KCNQ1: variants seen among roughly 807,000 people sequenced by gnomAD.
KCNQ1 encodes potassium voltage-gated channel subfamily Q member 1.
KCNQ1 carries 49 observed loss-of-function variants against 72.4 expected under a neutral mutation model. The ratio of observed to expected loss-of-function variants is 0.68; its 90% CI spans 0.54 to 0.86. KCNQ1 has a LOEUF of 0.86. KCNQ1 is among the 40% of genes least tolerant of loss of function. The pLI, the probability that KCNQ1 is intolerant of heterozygous loss-of-function variation, is 0.00. For synonymous variants in KCNQ1, 450 were observed against 412.6 expected (o/e 1.09, Z -1.10); for missense variants, 790 against 945.1 (o/e 0.84, Z 2.15).
At chr11:2,569,549 C>T (rs1633937) in intron 2 of KCNQ1, among the ~76,000 whole-genome samples, 1 of 152,294 alleles carries the variant, frequency 6.6e-6, no homozygotes, top group East Asian at 1.9e-4. Flanking sequence ...AGGAGTCCGC[C>T]GGAAGTGGGC....
rs1850871797 is a variant in KCNQ1 at position 2,704,338 on chromosome 11, C to T, written c.1514+42257C>T. Among the ~76,000 whole-genome samples, 1 of 152,362 alleles carries T rather than the reference C, an allele frequency of 6.6e-6. No individual in the cohort carries two copies. Among genetic ancestry groups the T allele is most frequent in the South Asian group, 2.1e-4 (1 of 4,828 alleles). On this transcript the variant is annotated intron_variant, in intron 11 of 15. Transcript: ENST00000155840. This position sits in a 1 kb window ranked among gnomAD's most constrained non-coding sequence, Gnocchi z 4.3. The stretch of plus-strand genomic sequence containing the variant: ...TTCAGGTACATGGGCCTGTTGTCAA[C>T]TCTGTTCCCACTGAGCCCATGAGAC...
intron 11 of KCNQ1, chr11:2,665,757 A>G: frequency 2.5e-6 from 1 of 398,122 alleles, no homozygotes; most frequent in Non-Finnish European, 4.4e-6. Context: ...AGGCATGGAG[A>G]AGCCCTAGGA....
chr11:2,817,740 CTCCTCCATGGCAAAGGTGA>C lies in KCNQ1; in HGVS notation c.1795-30025_1795-30007del, dbSNP rs1389590534. On this transcript the variant is annotated intron_variant, in intron 15 of 15. Coordinates refer to ENST00000155840, the MANE Select transcript of KCNQ1 (RefSeq NM_000218.3). This position sits in a 1 kb window ranked among gnomAD's most constrained non-coding sequence, Gnocchi z 6.1. Reference sequence around the variant, plus strand: ...CCTACCCACTTACGACCCACCTCCTCTCCTCCATGGCAAAGGTGATACATTAGACTCAAAGAGACATGAT... The same window carrying C: ...CCTACCCACTTACGACCCACCTCCTCTACATTAGACTCAAAGAGACATGAT... Among the ~76,000 whole-genome samples, 2 of 152,252 alleles carry C rather than the reference CTCCTCCATGGCAAAGGTGA, an allele frequency of 1.3e-5. No individual in the cohort carries two copies. The highest frequency in any genetic ancestry group is 3.9e-4 in the East Asian group (2 of 5,174).
intron 1 of KCNQ1, among the ~76,000 whole-genome samples, chr11:2,512,643 C>T (rs966060486): frequency 2.6e-5 from 4 of 152,328 alleles, no homozygotes; most frequent in African/African-American, 9.6e-5. Context: ...CAGGGATGTC[C>T]GTGCCTTGGG....
rs2133928731 is a variant in KCNQ1, at chr11:2,720,196, G to T, written c.1515-48648G>T. Among the ~76,000 whole-genome samples the T allele has an allele frequency of 6.6e-6, 1 of 152,312 alleles. No homozygotes were observed. The highest frequency in any genetic ancestry group is 3.4e-3 in the Middle Eastern group (1 of 294). ...GCACAGTCTTCCAAATGGACTGTGGGCATGATGGATGTGTAAAGAATCGAG... is the reference window on the plus strand; with the variant it reads ...GCACAGTCTTCCAAATGGACTGTGGTCATGATGGATGTGTAAAGAATCGAG... On this transcript the variant is annotated intron_variant, in intron 11 of 15. Transcript: ENST00000155840. The surrounding 1 kb of genome is among the most constrained non-coding windows in gnomAD (Gnocchi z 5.1).
At chr11:2,727,380 C>T (rs917844138) in intron 11 of KCNQ1, among the ~76,000 whole-genome samples, 7 of 152,160 alleles carry the variant, frequency 4.6e-5, no homozygotes, top group Admixed American at 1.3e-4. Flanking sequence ...GGGCGCAGGA[C>T]GGCACCCAAG....
intron 11 of KCNQ1, among the ~76,000 whole-genome samples, chr11:2,729,587 T>A (rs1055589842): frequency 2.6e-5 from 4 of 152,238 alleles, no homozygotes; most frequent in African/African-American, 9.6e-5. Context: ...GTGCTGAACA[T>A]CTGAACTTGT....
At chr11:2,445,592 C>G in intron 1 of KCNQ1, 108 bp downstream of exon 1, 1 of 1,297,084 alleles carries the variant, frequency 7.7e-7, no homozygotes, top group South Asian at 1.3e-5. Context: ...GACCCCGGAG[C>G]AGAGGAGGGA....
intron 2 of KCNQ1, among the ~76,000 whole-genome samples, chr11:2,554,480 T>C (rs1422684378): frequency 1.3e-5 from 2 of 152,162 alleles, no homozygotes; most frequent in Non-Finnish European, 2.9e-5. Flanking sequence ...GGCTGTGGGG[T>C]TTGCAGACCT....
intron 11 of KCNQ1, among the ~76,000 whole-genome samples, chr11:2,749,329 G>A (rs1846187390): frequency 6.6e-6 from 1 of 152,092 alleles, no homozygotes; most frequent in Admixed American, 6.5e-5. Flanking sequence ...CTCGGCTGGG[G>A]GGCAAGCACA....
rs1401060482 is a variant in KCNQ1 at position 2,785,695 on chromosome 11, G to A, written c.1794+7658G>A. 6.6e-6 allele frequency among the ~76,000 whole-genome samples: 1 copy of A among 151,800 alleles called. No homozygotes were observed. The highest frequency in any genetic ancestry group is 1.5e-5 in the Non-Finnish European group (1 of 67,816). ...GCAGTGTATTTTGTGCTTTCCACTT[G>A]TACTAAATCTGTAATATTTATTTTT... On this transcript the variant is annotated intron_variant, in intron 15 of 15. Coordinates refer to ENST00000155840, the MANE Select transcript of KCNQ1 (RefSeq NM_000218.3). The surrounding 1 kb of genome is among the most constrained non-coding windows in gnomAD (Gnocchi z 4.4).
At chr11:2,614,937 CT>C (rs1849037172) in intron 10 of KCNQ1, 1 of 398,226 alleles carries the variant, frequency 2.5e-6, no homozygotes, top group Non-Finnish European at 4.4e-6. Flanking sequence ...TAAAAAGGCC[CT>C]TGGGATTTTG....
Position 2,762,042 on chromosome 11 carries a change from G to A in KCNQ1, c.1515-6802G>A, listed in dbSNP as rs1444521889. On this transcript the variant is annotated intron_variant, in intron 11 of 15. Coordinates refer to ENST00000155840, the MANE Select transcript of KCNQ1 (RefSeq NM_000218.3). The surrounding 1 kb of genome is among the most constrained non-coding windows in gnomAD (Gnocchi z 4.3). ...TGGCCACAGGCTCCCAAGGCCCTAA[G>A]TGACAGCCAGTGGTAGACCCTTCAC... Among the ~76,000 whole-genome samples the A allele has an allele frequency of 2.0e-5, 3 of 152,224 alleles. No individual in the cohort carries two copies. The highest frequency in any genetic ancestry group is 7.2e-5 in the African/African-American group (3 of 41,474).
At chr11:2,469,402 T>C (rs1379048165) in intron 1 of KCNQ1, among the ~76,000 whole-genome samples, 1 of 151,974 alleles carries the variant, frequency 6.6e-6, no homozygotes, top group Non-Finnish European at 1.5e-5. Context: ...GCCTCCCAAG[T>C]AGTTGGGACT....
rs1465718554 is a variant in KCNQ1, at chr11:2,563,220, T to G, written c.478-7408T>G. Among the ~76,000 whole-genome samples the G allele has an allele frequency of 6.6e-6, 1 of 152,176 alleles. No homozygotes were observed. Among genetic ancestry groups the G allele is most frequent in the Non-Finnish European group, 1.5e-5 (1 of 68,042 alleles). ...TTCGCTATGTTGGAGATTCGCCGGCTGATAAAAGCAAAACAATAGATAAGA... is the reference window on the plus strand; with the variant it reads ...TTCGCTATGTTGGAGATTCGCCGGCGGATAAAAGCAAAACAATAGATAAGA... On this transcript the variant is annotated intron_variant, in intron 2 of 15. Coordinates refer to ENST00000155840, the MANE Select transcript of KCNQ1 (RefSeq NM_000218.3). The surrounding 1 kb of genome is among the most constrained non-coding windows in gnomAD (Gnocchi z 7.4).
intron 11 of KCNQ1, among the ~76,000 whole-genome samples, chr11:2,730,228 C>T (rs532040625): frequency 2.0e-5 from 3 of 152,258 alleles, no homozygotes; most frequent in East Asian, 1.9e-4. Context: ...ACCAGGAGGG[C>T]GAGGAGGAAG....
rs191127427 is a variant in KCNQ1, at chr11:2,650,777, T to G, written c.1394-11184T>G. Reference sequence around the variant, plus strand: ...CCCACAGGCAATTTGAAGGTATTCTTTCTCCTAATACTGCTAACAGCATGG... The same window carrying G: ...CCCACAGGCAATTTGAAGGTATTCTGTCTCCTAATACTGCTAACAGCATGG... On this transcript the variant is annotated intron_variant, in intron 10 of 15. Transcript: ENST00000155840. The G allele has an allele frequency of 1.0e-5, 4 of 398,662 alleles. No homozygotes were observed. The East Asian group carries it at 1.4e-4, about 14-fold the overall frequency. 24.7% of individuals were successfully genotyped at this position (398,662 alleles called of 1,614,324 possible).
At position 2,648,372 on chromosome 11, in the gene KCNQ1, T is replaced by G. The variant is rs1050395217; in HGVS notation, c.1394-13589T>G. 11 of 398,476 alleles carry G rather than the reference T, an allele frequency of 2.8e-5. No individual in the cohort carries two copies. The highest frequency in any genetic ancestry group is 6.2e-4 in the Middle Eastern group (1 of 1,610). 24.7% of individuals were successfully genotyped at this position (398,476 alleles called of 1,614,324 possible). A position where few individuals can be genotyped will look rare whatever the true frequency, so the allele number is the denominator to read the frequency against. ...GAGATGCGTTTATTAGGTTATTTGT[T>G]TAAAAACTTTCTACCTTATTGATGT... is the stretch of plus-strand genomic sequence containing the variant. On this transcript the variant is annotated intron_variant, in intron 10 of 15. Coordinates refer to ENST00000155840, the MANE Select transcript of KCNQ1 (RefSeq NM_000218.3).
At position 2,824,729 on chromosome 11, in the gene KCNQ1, T is replaced by C. The variant is rs575109018; in HGVS notation, c.1795-23038T>C. Among the ~76,000 whole-genome samples, 3 of 152,172 alleles carry C rather than the reference T, an allele frequency of 2.0e-5. No homozygotes were observed. Among genetic ancestry groups the C allele is most frequent in the African/African-American group, 7.2e-5 (3 of 41,512 alleles). ...TGGCGGGAAGAAGACAGTCAGGAGC[T>C]TGGGCATCCTAGAGGCCCCCGGGAC... is the stretch of plus-strand genomic sequence containing the variant. On this transcript the variant is annotated intron_variant, in intron 15 of 15. Transcript: ENST00000155840. The surrounding 1 kb of genome is among the most constrained non-coding windows in gnomAD (Gnocchi z 5.9).
Sources: allele counts gnomAD v4.1 joint callset (sites outside exome capture counted in the v4.1 genomes callset), GRCh38; gene constraint gnomAD v4.1.1; non-coding constraint Gnocchi (gnomAD v3.1); transcripts MANE v1.5; gene names NCBI Gene and HGNC (gene_info 2026-07-23, HGNC 2026-07-21).